The following TATDN2 variants were observed in gnomAD, a reference collection of about 807,000 sequenced individuals.
The protein encoded by TATDN2 is TatD DNase domain containing 2.
In TATDN2, 44 loss-of-function variants were observed where a neutral mutation model predicts 60.3. The observed-to-expected ratio is 0.73, with a 90% confidence interval of 0.57 to 0.94. The LOEUF (loss-of-function observed/expected upper bound fraction) is 0.94, where lower values mean the gene tolerates loss of function less well. TATDN2 is among the 40% of genes least tolerant of loss of function. TATDN2 has a pLI of 0.00. For missense variants in TATDN2, 997 were observed against 948.0 expected, an observed-to-expected ratio of 1.05 and a Z score of -0.68; for synonymous variants, 399 against 355.8, an observed-to-expected ratio of 1.12 and a Z score of -1.37.
intron 2 of TATDN2, among the ~76,000 whole-genome samples, chr3:10,252,988 CT>C (rs1404062247): frequency 6.6e-6 from 1 of 151,950 alleles, no homozygotes; most frequent in Non-Finnish European, 1.5e-5. Flanking sequence ...TCCCCAGCAG[CT>C]GGGACTACAG....
chr3:10,268,078 G>T (rs1277232025), intron 3 of TATDN2, among the ~76,000 whole-genome samples: 1 of 152,204 alleles, frequency 6.6e-6, no homozygotes, highest in African/African-American at 2.4e-5. Context: ...ACAGAATAGT[G>T]TATTGAATCA....
chr3:10,261,365 CTTTTT>C (rs58599009), intron 3 of TATDN2, among the ~76,000 whole-genome samples: 1 of 134,030 alleles, frequency 7.5e-6, no homozygotes. Context: ...CCATCTTTTT[CTTTTT>C]TTTTTTTTTT....
At position 10,277,801 on chromosome 3, in the gene TATDN2, T is replaced by C. The variant is rs1311860536; in HGVS notation, c.1962-478T>C. Among the ~76,000 whole-genome samples, 9 of 152,248 alleles carry C rather than the reference T, an allele frequency of 5.9e-5. No individual in the cohort carries two copies. In the East Asian group the frequency reaches 1.7e-3, roughly 29 times the overall value. Reference sequence around the variant, plus strand: ...CAGGAGGAGGCCCTAAATTTACAGATTGGTAACTATATATATGGCACCAAG... The same window carrying C: ...CAGGAGGAGGCCCTAAATTTACAGACTGGTAACTATATATATGGCACCAAG... On this transcript the variant is annotated intron_variant, in intron 5 of 7. Transcript: ENST00000448281.
intron 3 of TATDN2, among the ~76,000 whole-genome samples, chr3:10,265,099 CAG>C (rs1345312394): frequency 8.7e-6 from 1 of 115,076 alleles, no homozygotes; most frequent in Non-Finnish European, 1.6e-5. Context: ...CTTTTTGAGA[CAG>C]AGTCTCACTC....
intron 2 of TATDN2, among the ~76,000 whole-genome samples, chr3:10,252,381 C>T (rs915365788): frequency 5.3e-5 from 8 of 152,038 alleles, no homozygotes; most frequent in African/African-American, 1.2e-4. Flanking sequence ...TCACTCTTGT[C>T]GAGTGAGGGT....
chr3:10,274,618 C>T (rs911478238), intron 4 of TATDN2, among the ~76,000 whole-genome samples: 3 of 152,098 alleles, frequency 2.0e-5, no homozygotes, highest in Non-Finnish European at 4.4e-5. Context: ...TCGGGGAGGG[C>T]AGATGAACAG....
chr3:10,272,348 A>G (rs779163172), intron 4 of TATDN2, among the ~76,000 whole-genome samples: 99 of 152,114 alleles, frequency 6.5e-4, no homozygotes, highest in Middle Eastern at 3.4e-3. Context: ...ATCTCAGCTC[A>G]CTGCTACCTC....
intron 3 of TATDN2, among the ~76,000 whole-genome samples, chr3:10,261,614 T>A (rs1350506702): frequency 1.3e-5 from 2 of 152,176 alleles, no homozygotes; most frequent in Non-Finnish European, 2.9e-5. Flanking sequence ...GTGATCCACC[T>A]GCCTTGGCCT....
chr3:10,257,736 C>T (rs915232814), intron 2 of TATDN2, among the ~76,000 whole-genome samples: 1 of 151,252 alleles, frequency 6.6e-6, no homozygotes, highest in Non-Finnish European at 1.5e-5. Flanking sequence ...TAGCAAACAC[C>T]ACCTTTCCTA....
chr3:10,270,165 C>T lies in TATDN2; in HGVS notation c.983C>T (p.Ser328Phe). ...KDREVVMEHPSSGSDWSDVEE... is the reference protein window; with the variant it reads ...KDREVVMEHPFSGSDWSDVEE... ...AGGGAGGTGGTGATGGAGCACCCCT[C>T]TTCTGGAAGTGACTGGTCTGATGTT... is the stretch of plus-strand genomic sequence containing the variant. The change falls in exon 4 of 8, where the codon TCT becomes TTT. Residue 328 changes from serine to phenylalanine, a missense_variant. Transcript: ENST00000448281. 3 of 1,613,876 alleles carry T rather than the reference C, an allele frequency of 1.9e-6. No homozygotes were observed. The highest frequency in any genetic ancestry group is 1.7e-6 in the Non-Finnish European group (2 of 1,179,864).
intron 4 of TATDN2, among the ~76,000 whole-genome samples, chr3:10,272,825 A>G (rs1321616975): frequency 6.6e-6 from 1 of 151,590 alleles, no homozygotes. Context: ...ACCTGAGGCC[A>G]GGAGTTGGAG....
chr3:10,268,291 A>G (rs1698508924), intron 3 of TATDN2, among the ~76,000 whole-genome samples: 1 of 152,246 alleles, frequency 6.6e-6, no homozygotes, highest in Non-Finnish European at 1.5e-5. Context: ...GTTTCCTGTT[A>G]GAGTGTAGTT....
chr3:10,263,036 G>A (rs1381768324), intron 3 of TATDN2, among the ~76,000 whole-genome samples: 1 of 152,080 alleles, frequency 6.6e-6, no homozygotes, highest in African/African-American at 2.4e-5. Flanking sequence ...GAGTAGCTGG[G>A]ATTACAGGCA....
intron 4 of TATDN2, among the ~76,000 whole-genome samples, chr3:10,275,638 C>A (rs556256607): frequency 1.3e-4 from 19 of 151,896 alleles, no homozygotes; most frequent in Non-Finnish European, 1.9e-4. Context: ...ACCAGCTACG[C>A]GGGAGGCTGA....
Position 10,248,902 on chromosome 3 carries a change from A to T in TATDN2, c.-172A>T, listed in dbSNP as rs1698175721. 2.7e-6 allele frequency: 1 copy of T among 369,710 alleles called. No homozygotes were observed. The highest frequency in any genetic ancestry group is 4.8e-6 in the Non-Finnish European group (1 of 208,344). The allele number at this position is 369,710 out of a possible 1,614,324, so 22.9% of individuals were successfully genotyped here. The stretch of plus-strand genomic sequence containing the variant: ...CCCGGAAGCGCTTAGGCATCTCCGA[A>T]GTAGCGCTGGGCAAAGTGAAGGCTT... On this transcript the variant is annotated 5_prime_UTR_variant, in exon 1 of 8. It adds an upstream start codon to the 5' untranslated region. Transcript: ENST00000448281.
rs1326615589 is a variant in TATDN2, at chr3:10,270,891, A to G, written c.1709A>G (p.Tyr570Cys). Residue 570 changes from tyrosine (Y) to cysteine (C), a missense_variant, in exon 4 of 8, where the codon TAC (tyrosine) becomes TGC (cysteine). Coordinates refer to ENST00000448281, the MANE Select transcript of TATDN2 (RefSeq NM_014760.4). The part of the protein sequence containing the change: ...AFGCHPHFAR[Y>C]YSESQERNLL... Reference sequence around the variant, plus strand: ...GGCTGTCACCCTCATTTTGCACGTTACTACAGTGAGAGTCAAGAAAGAAAT... The same window carrying G: ...GGCTGTCACCCTCATTTTGCACGTTGCTACAGTGAGAGTCAAGAAAGAAAT... 9 of 1,614,190 alleles carry G rather than the reference A, an allele frequency of 5.6e-6. No individual in the cohort carries two copies. The highest frequency in any genetic ancestry group is 7.6e-6 in the Non-Finnish European group (9 of 1,180,028).
chr3:10,280,253 C>T lies in TATDN2; in HGVS notation c.*1071C>T, dbSNP rs1007459693. The T allele has an allele frequency of 6.5e-6, 1 of 153,894 alleles. No individual in the cohort carries two copies. Among genetic ancestry groups the T allele is most frequent in the Non-Finnish European group, 1.5e-5 (1 of 68,124 alleles). The allele number at this position is 153,894 out of a possible 1,614,324, so 9.5% of individuals were successfully genotyped here. A position where few individuals can be genotyped will look rare whatever the true frequency, so the allele number is the denominator to read the frequency against. Reference sequence around the variant, plus strand: ...AAATGTACCAGTCCTTCTCCCGCATCTCCTGGGTGCCCCCTTGGCTTTGCC... The same window carrying T: ...AAATGTACCAGTCCTTCTCCCGCATTTCCTGGGTGCCCCCTTGGCTTTGCC... On this transcript the variant is annotated 3_prime_UTR_variant, in exon 8 of 8. Coordinates refer to ENST00000448281, the MANE Select transcript of TATDN2 (RefSeq NM_014760.4).
Position 10,249,081 on chromosome 3 carries a change from GC to G in TATDN2, c.-7+18del. ...GAAGAGGGAAAGGTCAGTGAGGCTA[GC>G]CCCTGGCTCTGCCCTTATGTCTTGC... On this transcript the variant is annotated intron_variant, in intron 1 of 7. Coordinates refer to ENST00000448281, the MANE Select transcript of TATDN2 (RefSeq NM_014760.4). The G allele has an allele frequency of 4.1e-6, 5 of 1,231,782 alleles. No individual in the cohort carries two copies. The highest frequency in any genetic ancestry group is 1.5e-5 in the African/African-American group (1 of 65,168). 76.3% of individuals were successfully genotyped at this position (1,231,782 alleles called of 1,614,324 possible). A position where few individuals can be genotyped will look rare whatever the true frequency, so the allele number is the denominator to read the frequency against.
chr3:10,252,616 G>A (rs1698247425), intron 2 of TATDN2, among the ~76,000 whole-genome samples: 1 of 151,790 alleles, frequency 6.6e-6, no homozygotes, highest in South Asian at 2.1e-4. Context: ...CAGCCGAGGG[G>A]TACTCACAAA....
Sources: allele counts gnomAD v4.1 joint callset (sites outside exome capture counted in the v4.1 genomes callset), GRCh38; gene constraint gnomAD v4.1.1; transcripts MANE v1.5; gene names NCBI Gene and HGNC (gene_info 2026-07-23, HGNC 2026-07-21).